GALK2: variants seen among roughly 807,000 people sequenced by gnomAD.
GALK2 encodes N-acetylgalactosamine kinase.
In GALK2, 36 loss-of-function variants were observed where a neutral mutation model predicts 52.4. The observed-to-expected ratio is 0.69, with a 90% CI of 0.53 to 0.91. The LOEUF (loss-of-function observed/expected upper bound fraction) is 0.91. Among genes scored for constraint, GALK2 ranks in the 40% least tolerant of loss-of-function variants. GALK2 has a pLI of 0.00. For missense variants in GALK2, 579 were observed against 559.1 expected (o/e 1.04, Z -0.36); for synonymous variants, 176 against 199.1 (o/e 0.88, Z 0.98).
intron 2 of GALK2, 44 bp from the exon 3 acceptor site, chr15:49,217,146 T>G (rs761204818): frequency 2.6e-5 from 40 of 1,554,354 alleles, no homozygotes; most frequent in Non-Finnish European, 3.3e-5. Context: ...GTGCTTTTGT[T>G]TTATATATTA....
chr15:49,350,096 TC>T (rs1253830970), intron 3 of GALK2, among the ~76,000 whole-genome samples: 1 of 152,198 alleles, frequency 6.6e-6, no homozygotes, highest in Non-Finnish European at 1.5e-5. Context: ...CTTTCTGATA[TC>T]CCTAGGTGGT....
At chr15:49,347,081 G>T (rs920507897) in intron 3 of GALK2, among the ~76,000 whole-genome samples, 21 of 152,150 alleles carry the variant, frequency 1.4e-4, no homozygotes, top group Non-Finnish European at 2.5e-4. Flanking sequence ...TGTAAAATAG[G>T]ATTGCAGTTC....
At chr15:49,346,607 T>C (rs1003397902) in intron 3 of GALK2, among the ~76,000 whole-genome samples, 8 of 152,166 alleles carry the variant, frequency 5.3e-5, no homozygotes, top group African/African-American at 1.9e-4. Flanking sequence ...ACCTCGGTGA[T>C]AACAGAATGA....
chr15:49,334,621 CTGTG>C (rs1251225091), downstream of GALK2, among the ~76,000 whole-genome samples: 1 of 151,944 alleles, frequency 6.6e-6, no homozygotes, highest in Non-Finnish European at 1.5e-5. Context: ...ACACATGCGT[CTGTG>C]GGTGGGTGGG....
At chr15:49,321,030 T>C (rs1160837857) in intron 9 of GALK2, among the ~76,000 whole-genome samples, 1 of 152,204 alleles carries the variant, frequency 6.6e-6, no homozygotes, top group African/African-American at 2.4e-5. Context: ...GTACTTGTTT[T>C]CATGGAGCTT....
At chr15:49,318,296 G>A (rs1375866716) in intron 8 of GALK2, 1 of 152,000 alleles carries the variant, frequency 6.6e-6, no homozygotes, top group African/African-American at 2.4e-5. Context: ...GTCACTGTGG[G>A]TAATCTGGAA....
At chr15:49,327,837 AC>A in intron 9 of GALK2, 114 bp from the exon 10 acceptor site, 1 of 941,324 alleles carries the variant, frequency 1.1e-6, no homozygotes, top group Non-Finnish European at 1.6e-6. Flanking sequence ...ACACCTAAAA[AC>A]CCCGCATGTA....
upstream of GALK2, among the ~76,000 whole-genome samples, chr15:49,166,690 A>G (rs2084834154): frequency 1.3e-5 from 2 of 152,206 alleles, no homozygotes; most frequent in South Asian, 4.1e-4. Flanking sequence ...AGCCTGGGCA[A>G]CAAGAGCGAG....
intron 2 of GALK2, among the ~76,000 whole-genome samples, chr15:49,210,542 T>C (rs1452891804): frequency 6.6e-6 from 1 of 151,826 alleles, no homozygotes; most frequent in African/African-American, 2.4e-5. Context: ...CAGATTCAAG[T>C]GATTTTCCTG....
intron 5 of GALK2, among the ~76,000 whole-genome samples, chr15:49,277,723 G>A (rs1317029182): frequency 6.6e-6 from 1 of 150,992 alleles, no homozygotes; most frequent in Non-Finnish European, 1.5e-5. Context: ...GTGAACCCGG[G>A]AGGCGGAGCT....
chr15:49,326,107 G>A (rs538644063), intron 9 of GALK2, among the ~76,000 whole-genome samples: 2 of 152,200 alleles, frequency 1.3e-5, no homozygotes, highest in East Asian at 3.9e-4. Flanking sequence ...AGAAAATCAA[G>A]TAAGAAGGCA....
intron 1 of GALK2, among the ~76,000 whole-genome samples, chr15:49,184,290 C>A (rs1017211040): frequency 6.6e-6 from 1 of 151,706 alleles, no homozygotes; most frequent in Non-Finnish European, 1.5e-5. Flanking sequence ...TATAGCTACA[C>A]CTGCTCTTTT....
intron 3 of GALK2, chr15:49,365,723 C>T (rs2045042649): frequency 1.1e-6 from 1 of 894,448 alleles, no homozygotes; most frequent in African/African-American, 1.6e-5. Flanking sequence ...AAAGCAATCT[C>T]CAAGATATCT....
chr15:49,264,712 T>G (rs200020238), intron 5 of GALK2, among the ~76,000 whole-genome samples: 3,380 of 152,246 alleles, frequency 0.022, 102 homozygotes, highest in South Asian at 0.077. Context: ...TTTTATCTAC[T>G]TTTGGTCTTT....
intron 3 of GALK2, among the ~76,000 whole-genome samples, chr15:49,342,678 T>C (rs1368548905): frequency 6.6e-6 from 1 of 152,200 alleles, no homozygotes. Context: ...CTCCTTTGTC[T>C]TCCCTTTTAG....
intron 2 of GALK2, among the ~76,000 whole-genome samples, chr15:49,214,302 T>G (rs1208800465): frequency 6.6e-6 from 1 of 151,202 alleles, no homozygotes; most frequent in Non-Finnish European, 1.5e-5. Context: ...CCCCAAAACT[T>G]TACCTTAACC....
At chr15:49,355,391 C>T (rs1238957030) in intron 3 of GALK2, among the ~76,000 whole-genome samples, 2 of 152,074 alleles carry the variant, frequency 1.3e-5, no homozygotes, top group Non-Finnish European at 2.9e-5. Flanking sequence ...AGAGAACTGC[C>T]TAAAGGAGCT....
At chr15:49,178,218 TATATATATAG>T (rs2085645480) in intron 1 of GALK2, among the ~76,000 whole-genome samples, 1 of 116,106 alleles carries the variant, frequency 8.6e-6, no homozygotes, top group African/African-American at 3.2e-5. Context: ...TATATATATA[TATATATATAG>T]AAATAAAATG....
intron 8 of GALK2, among the ~76,000 whole-genome samples, chr15:49,312,428 T>A (rs973463936): frequency 2.6e-5 from 4 of 152,194 alleles, no homozygotes; most frequent in African/African-American, 9.6e-5. Context: ...AGCCTTGGAA[T>A]CTGGGACTTA....
Sources: gnomAD v4.1 joint callset for allele counts (sites outside exome capture counted in the v4.1 genomes callset) on GRCh38, gnomAD v4.1.1 for gene constraint, MANE v1.5 for transcripts, NCBI Gene and HGNC (gene_info 2026-07-23, HGNC 2026-07-21) for gene names.